The following CRADD variants were observed in gnomAD, a reference collection of about 807,000 sequenced individuals.
CRADD encodes the protein death domain-containing protein CRADD.
CRADD carries 9 observed loss-of-function variants against 15.5 expected under a neutral mutation model. The observed-to-expected ratio is 0.58, with a 90% CI of 0.35 to 1.01. The LOEUF (loss-of-function observed/expected upper bound fraction) is 1.01. CRADD is among the 50% of genes least tolerant of loss of function. The pLI is 0.02. For synonymous variants in CRADD, 118 were observed against 107.6 expected, an observed-to-expected ratio of 1.10 and a Z score of -0.60; for missense variants, 227 against 250.3, an observed-to-expected ratio of 0.91 and a Z score of 0.63.
At chr12:93,779,877 C>G (rs532885166) in intron 2 of CRADD, among the ~76,000 whole-genome samples, 27 of 152,304 alleles carry the variant, frequency 1.8e-4, no homozygotes, top group South Asian at 1.2e-3. Context: ...GCATGAGCCA[C>G]CGCGCCTGGC....
At chr12:93,724,220 A>G (rs1363947034) in intron 2 of CRADD, among the ~76,000 whole-genome samples, 1 of 152,000 alleles carries the variant, frequency 6.6e-6, no homozygotes, top group Non-Finnish European at 1.5e-5. Flanking sequence ...TCTCTCCTAA[A>G]AATACAAAAA....
At chr12:93,787,128 A>AT (rs11315592) in intron 2 of CRADD, among the ~76,000 whole-genome samples, 1,228 of 107,678 alleles carry the variant, frequency 0.011, 17 homozygotes, top group African/African-American at 0.02. Flanking sequence ...TCTGCTGAAG[A>AT]TTTTTTTTTT....
chr12:93,830,743 A>C (rs1277689407), intron 2 of CRADD, among the ~76,000 whole-genome samples: 2 of 152,216 alleles, frequency 1.3e-5, no homozygotes, highest in Non-Finnish European at 2.9e-5. Context: ...CACAGTAATC[A>C]TGAGACTAAG....
intron 2 of CRADD, among the ~76,000 whole-genome samples, chr12:93,714,150 C>T (rs1364046050): frequency 6.6e-6 from 1 of 152,200 alleles, no homozygotes; most frequent in Non-Finnish European, 1.5e-5. Flanking sequence ...AATATAGGCT[C>T]CTTCTAGAGA....
intron 2 of CRADD, among the ~76,000 whole-genome samples, chr12:93,731,389 T>C (rs947253513): frequency 2.0e-5 from 3 of 152,276 alleles, no homozygotes; most frequent in East Asian, 1.9e-4. Flanking sequence ...TTAGGGAGTA[T>C]GTAGGTACTT....
chr12:93,789,029 T>G (rs1031921400), intron 2 of CRADD, among the ~76,000 whole-genome samples: 1 of 152,170 alleles, frequency 6.6e-6, no homozygotes, highest in Non-Finnish European at 1.5e-5. Context: ...TGTCTTATCC[T>G]TGGTGGTCAA....
At chr12:93,832,293 G>A (rs928459963) in intron 2 of CRADD, among the ~76,000 whole-genome samples, 1 of 152,136 alleles carries the variant, frequency 6.6e-6, no homozygotes, top group African/African-American at 2.4e-5. Flanking sequence ...CAGCTTTGAA[G>A]GATTTTGCTT....
At chr12:93,752,201 C>T (rs571214278) in intron 2 of CRADD, among the ~76,000 whole-genome samples, 12 of 152,272 alleles carry the variant, frequency 7.9e-5, no homozygotes, top group South Asian at 4.1e-4. Context: ...CTTTTGCTGA[C>T]GGTTTCCAGG....
downstream of CRADD, among the ~76,000 whole-genome samples, chr12:93,855,019 A>G (rs1218085939): frequency 6.6e-6 from 1 of 152,008 alleles, no homozygotes; most frequent in Non-Finnish European, 1.5e-5. Context: ...ACATTGTGAA[A>G]CCCCGTCTCT....
intron 2 of CRADD, among the ~76,000 whole-genome samples, chr12:93,806,451 C>CAAAAAAAAAAAAAAAAA (rs59372325): frequency 5.1e-5 from 3 of 59,206 alleles, no homozygotes; most frequent in African/African-American, 1.1e-4. Flanking sequence ...GACTCCATCT[C>CAAAAAAAAAAAAAAAAA]AAAAAAAAAA....
At chr12:93,873,603 A>G (rs1248948527) in intron 2 of CRADD, among the ~76,000 whole-genome samples, 3 of 151,976 alleles carry the variant, frequency 2.0e-5, no homozygotes, top group Admixed American at 2.0e-4. Context: ...CAGTTTTTTG[A>G]GGGTTTTTAA....
chr12:93,707,116 A>C (rs1363835874), intron 2 of CRADD, among the ~76,000 whole-genome samples: 1 of 152,142 alleles, frequency 6.6e-6, no homozygotes, highest in Non-Finnish European at 1.5e-5. Flanking sequence ...TCATGGATCA[A>C]ATCTCTGGGC....
intron 2 of CRADD, among the ~76,000 whole-genome samples, chr12:93,694,085 A>G (rs1369534902): frequency 6.6e-6 from 1 of 152,152 alleles, no homozygotes; most frequent in Admixed American, 6.5e-5. Flanking sequence ...AAAATTGTCA[A>G]CAAAATACTA....
chr12:93,735,061 G>A (rs112517596), intron 2 of CRADD, among the ~76,000 whole-genome samples: 91 of 152,248 alleles, frequency 6.0e-4, no homozygotes, highest in Middle Eastern at 3.4e-3. Context: ...GCTCCATGGG[G>A]GCAGAACACT....
intron 2 of CRADD, among the ~76,000 whole-genome samples, chr12:93,759,583 T>G (rs1592966520): frequency 6.6e-6 from 1 of 152,310 alleles, no homozygotes; most frequent in Middle Eastern, 3.4e-3. Context: ...CCCTCTGGGA[T>G]CGTTTCCCCA....
intron 2 of CRADD, among the ~76,000 whole-genome samples, chr12:93,696,774 A>G (rs1955717090): frequency 6.6e-6 from 1 of 152,228 alleles, no homozygotes; most frequent in South Asian, 2.1e-4. Flanking sequence ...AAAAATAACA[A>G]TTCAGCAATA....
chr12:93,818,843 C>T (rs1211685000), intron 2 of CRADD, among the ~76,000 whole-genome samples: 1 of 152,210 alleles, frequency 6.6e-6, no homozygotes, highest in African/African-American at 2.4e-5. Context: ...TCCAAAACCT[C>T]GTGAGAGGCG....
intron 2 of CRADD, among the ~76,000 whole-genome samples, chr12:93,762,684 C>G (rs1047404447): frequency 6.6e-6 from 1 of 152,200 alleles, no homozygotes; most frequent in African/African-American, 2.4e-5. Context: ...ATTCCTGCCC[C>G]CAGTCCCTCA....
At chr12:93,726,559 T>G (rs1328281209) in intron 2 of CRADD, among the ~76,000 whole-genome samples, 1 of 152,220 alleles carries the variant, frequency 6.6e-6, no homozygotes, top group Non-Finnish European at 1.5e-5. Flanking sequence ...TTACTAGTAC[T>G]CTACTTGGAG....
Sources: gnomAD v4.1 joint callset for allele counts (sites outside exome capture counted in the v4.1 genomes callset) on GRCh38, gnomAD v4.1.1 for gene constraint, MANE v1.5 for transcripts, NCBI Gene and HGNC (gene_info 2026-07-23, HGNC 2026-07-21) for gene names.